Variants in MKS1 observed in about 807,000 individuals in gnomAD.
MKS1 encodes tectonic-like complex member MKS1.
Under a neutral mutation model 83.7 loss-of-function variants are expected in MKS1, and 70 were observed. That is an observed-to-expected ratio of 0.84 (90% confidence interval 0.69 to 1.02). MKS1 has a LOEUF of 1.02. MKS1 is among the 50% of genes least tolerant of loss of function. The pLI, the probability that MKS1 is intolerant of heterozygous loss-of-function variation, is 0.00. For missense variants in MKS1, 681 were observed against 726.9 expected, an observed-to-expected ratio of 0.94 and a Z score of 0.73; for synonymous variants, 251 against 273.4, an observed-to-expected ratio of 0.92 and a Z score of 0.81.
chr17:58,217,670 G>A (rs1409887783), intron 2 of MKS1, among the ~76,000 whole-genome samples: 1 of 152,096 alleles, frequency 6.6e-6, no homozygotes. Flanking sequence ...AAAATAAACT[G>A]AGTGTGAGTC....
At position 58,207,133 on chromosome 17, in the gene MKS1, A is replaced by C. The variant is rs1284188693; in HGVS notation, c.1359T>G (p.Ser453=). ...CATAGGAGAGGTCCTCCAGTTCCAGAGAACCGCCAATGAAAAACCTCCTCA... is the reference window on the plus strand; with the variant it reads ...CATAGGAGAGGTCCTCCAGTTCCAGCGAACCGCCAATGAAAAACCTCCTCA... The part of the protein sequence containing the change: ...AELRRFFIGG[S]LELEDLSYVR... The change falls in exon 15 of 18, where the codon TCT becomes TCG. Residue 453 remains serine, a synonymous_variant. Transcript: ENST00000393119. 1.9e-6 allele frequency: 3 copies of C among 1,614,182 alleles called. No individual in the cohort carries two copies. In the East Asian group the frequency reaches 6.7e-5, roughly 36 times the overall value.
chr17:58,210,766 C>A (rs1301985020), intron 10 of MKS1, 42 bp from the exon 11 acceptor site: 3 of 1,593,716 alleles, frequency 1.9e-6, no homozygotes, highest in Middle Eastern at 3.3e-4. Flanking sequence ...TTTTCTCCTA[C>A]CACCCTTAGC....
In MKS1 at chr17:58,219,234, A is replaced by G. The variant is rs1969453810; in HGVS notation, c.-4T>C. The G allele has an allele frequency of 6.4e-7, 1 of 1,550,554 alleles. No individual in the cohort carries two copies. The highest frequency in any genetic ancestry group is 1.2e-5 in the South Asian group (1 of 84,048). On this transcript the variant is annotated 5_prime_UTR_variant, in exon 1 of 18. Coordinates refer to ENST00000393119, the MANE Select transcript of MKS1 (RefSeq NM_017777.4). ...TGCTCCAGACGGTCTCCGCCATGAC[A>G]GCTGCGACGCGCCGCGACTGCGCCG...
intron 2 of MKS1, 50 bp from the exon 3 acceptor site, chr17:58,216,786 T>C (rs1043162398): frequency 1.9e-6 from 3 of 1,574,330 alleles, no homozygotes; most frequent in Non-Finnish European, 2.6e-6. Context: ...CCAGCACCAC[T>C]TCTTGTTCTG....
chr17:58,213,562 A>C (rs1203384397), intron 7 of MKS1, among the ~76,000 whole-genome samples: 1 of 152,212 alleles, frequency 6.6e-6, no homozygotes, highest in Non-Finnish European at 1.5e-5. Context: ...TCCCTTTCAA[A>C]TTGGTGCAGT....
Position 58,216,213 on chromosome 17 carries a change from C to A in MKS1, c.292G>T (p.Ala98Ser). ...FEVDLYQNETACQSPLDYQYR... is the reference protein window; with the variant it reads ...FEVDLYQNETSCQSPLDYQYR... ...TGATAATCCAAAGGACTCTGACAGG[C>A]TGTTTCATTTTGGTACAGATCTACT... is the stretch of plus-strand genomic sequence containing the variant. The change falls in exon 4 of 18, where the codon GCC (alanine) becomes TCC (serine). Residue 98 changes from alanine to serine, a missense_variant. Coordinates refer to ENST00000393119, the MANE Select transcript of MKS1 (RefSeq NM_017777.4). 6.2e-7 allele frequency: 1 copy of A among 1,613,808 alleles called. No homozygotes were observed. The highest frequency in any genetic ancestry group is 8.5e-7 in the Non-Finnish European group (1 of 1,180,004).
At chr17:58,207,800 T>A in intron 14 of MKS1, 94 bp downstream of exon 14, 1 of 1,200,746 alleles carries the variant, frequency 8.3e-7, no homozygotes, top group South Asian at 1.3e-5. Context: ...CAATTCCCAA[T>A]TATCTCCACC....
At chr17:58,206,911 A>G in intron 15 of MKS1, 174 bp downstream of exon 15, 1 of 852,384 alleles carries the variant, frequency 1.2e-6, no homozygotes, top group Non-Finnish European at 1.9e-6. Context: ...ATAGCAGTGT[A>G]GATATTGGAA....
At chr17:58,212,480 G>A (rs908690670) in intron 8 of MKS1, 46 bp from the exon 9 acceptor site, 2 of 1,598,186 alleles carry the variant, frequency 1.3e-6, no homozygotes, top group Non-Finnish European at 1.7e-6. Flanking sequence ...ACCCAAGCTA[G>A]ACCAAAGTTC....
chr17:58,207,727 T>C, intron 14 of MKS1, 167 bp downstream of exon 14: 1 of 709,540 alleles, frequency 1.4e-6, no homozygotes, highest in Non-Finnish European at 2.5e-6. Flanking sequence ...CACGTCATTG[T>C]CGCTAATGGA....
At chr17:58,212,795 G>A (rs1322482020) in intron 8 of MKS1, among the ~76,000 whole-genome samples, 187 bp downstream of exon 8, 2 of 152,142 alleles carry the variant, frequency 1.3e-5, no homozygotes, top group Non-Finnish European at 2.9e-5. Flanking sequence ...TCAAATAAAT[G>A]GTTATTGTTA....
Position 58,208,184 on chromosome 17 carries a change from G to T in MKS1, c.1096-10C>A. On this transcript the variant is annotated splice_polypyrimidine_tract_variant and intron_variant, in intron 12 of 17. Coordinates refer to ENST00000393119, the MANE Select transcript of MKS1 (RefSeq NM_017777.4). ...AGTGAGCCACCTTGTCCTATAAAAAGGAGTGTCATAGGGTGGGCAAGGCCT... is the reference window on the plus strand; with the variant it reads ...AGTGAGCCACCTTGTCCTATAAAAATGAGTGTCATAGGGTGGGCAAGGCCT... 3 of 1,607,608 alleles carry T rather than the reference G, an allele frequency of 1.9e-6. No individual in the cohort carries two copies. Among genetic ancestry groups the T allele is most frequent in the Non-Finnish European group, 2.6e-6 (3 of 1,174,100 alleles).
chr17:58,212,383 C>T lies in MKS1; in HGVS notation c.910G>A (p.Glu304Lys), dbSNP rs1968925784. 1 of 1,614,122 alleles carries T rather than the reference C, an allele frequency of 6.2e-7. No homozygotes were observed. The highest frequency in any genetic ancestry group is 1.3e-5 in the African/African-American group (1 of 74,938). Residue 304 changes from glutamate (E) to lysine (K), a missense_variant, in exon 9 of 18, where the codon GAG becomes AAG. Glu to Lys is a moderately conservative substitution (Grantham distance 56). Coordinates refer to ENST00000393119, the MANE Select transcript of MKS1 (RefSeq NM_017777.4). Reference sequence around the variant, plus strand: ...CAGGAAGCCAAGCTACTCACCATCTCAAAGTCGGTGCCTACGAGGCTGCTG... The same window carrying T: ...CAGGAAGCCAAGCTACTCACCATCTTAAAGTCGGTGCCTACGAGGCTGCTG... Reference protein sequence around the residue: ...YLSSLVGTDFEMTVPGALRLF... With the variant: ...YLSSLVGTDFKMTVPGALRLF...
Position 58,205,462 on chromosome 17 carries a change from T to C in MKS1, c.*617A>G. On this transcript the variant is annotated 3_prime_UTR_variant, in exon 18 of 18. Transcript: ENST00000393119. ...TCAGTCAAAATAAAAGGGGTTTATG[T>C]AACAAAAAACAAAAAAACAAACAAA... 8.1e-7 allele frequency: 1 copy of C among 1,239,954 alleles called. No individual in the cohort carries two copies. The highest frequency in any genetic ancestry group is 1.0e-6 in the Non-Finnish European group (1 of 962,368). The allele number at this position is 1,239,954 out of a possible 1,614,324, so 76.8% of individuals were successfully genotyped here.
At chr17:58,207,830 G>A in intron 14 of MKS1, 64 bp downstream of exon 14, 1 of 1,404,318 alleles carries the variant, frequency 7.1e-7, no homozygotes, top group Non-Finnish European at 1.0e-6. Context: ...AAGCATTCGA[G>A]TGTTAGTCTT....
chr17:58,206,535 T>C lies in MKS1; in HGVS notation c.1420A>G (p.Ser474Gly). Reference sequence around the variant, plus strand: ...GTCTCTGTGCGGAGTCCAAAGCGGCTCAGGCGTTCCCCCTGTGGCATGCCA... The same window carrying C: ...GTCTCTGTGCGGAGTCCAAAGCGGCCCAGGCGTTCCCCCTGTGGCATGCCA... Reference protein sequence around the residue: ...IPGSFKGERLSRFGLRTETTG... With the variant: ...IPGSFKGERLGRFGLRTETTG... Residue 474 changes from serine (S) to glycine (G), a missense_variant, in exon 16 of 18, where the codon AGC (serine) becomes GGC (glycine). Transcript: ENST00000393119. 2 of 1,613,104 alleles carry C rather than the reference T, an allele frequency of 1.2e-6. No individual in the cohort carries two copies. Among genetic ancestry groups the C allele is most frequent in the Admixed American group, 1.7e-5 (1 of 60,026 alleles).
rs1968674499 is a variant in MKS1, at chr17:58,208,557, G to C, written c.1051C>G (p.Leu351Val). The change falls in exon 12 of 18, where the codon CTC (leucine) becomes GTC (valine). Residue 351 changes from leucine (L) to valine (V), a missense_variant. Transcript: ENST00000393119. Reference sequence around the variant, plus strand: ...GTGCAGGTCTGTGTTACTCCTGAGAGCTGCTGGAATGCTGGGCTTGACCAG... The same window carrying C: ...GTGCAGGTCTGTGTTACTCCTGAGACCTGCTGGAATGCTGGGCTTGACCAG... ...AHWSSPAFQQ[L>V]SGVTQTCTTK... is the part of the protein sequence containing the mutation. 6.2e-7 allele frequency: 1 copy of C among 1,614,198 alleles called. No homozygotes were observed. Among genetic ancestry groups the C allele is most frequent in the Non-Finnish European group, 8.5e-7 (1 of 1,180,036 alleles).
At chr17:58,210,022 G>C (rs2143769861) in intron 11 of MKS1, among the ~76,000 whole-genome samples, 1 of 152,278 alleles carries the variant, frequency 6.6e-6, no homozygotes, top group East Asian at 1.9e-4. Context: ...GGAAAGTGAG[G>C]GATCAAGGAT....
chr17:58,206,583 C>T lies in MKS1; in HGVS notation c.1408-36G>A, dbSNP rs755493387. 1.9e-6 allele frequency: 3 copies of T among 1,588,304 alleles called. No individual in the cohort carries two copies. Among genetic ancestry groups the T allele is most frequent in the African/African-American group, 2.7e-5 (2 of 74,482 alleles). Reference sequence around the variant, plus strand: ...CCATTGGGACAGCCTCAGGTTTCTGCTCTCTCTAGACACCCCCGCACCATG... The same window carrying T: ...CCATTGGGACAGCCTCAGGTTTCTGTTCTCTCTAGACACCCCCGCACCATG... On this transcript the variant is annotated intron_variant, in intron 15 of 17. Transcript: ENST00000393119.
Sources: gnomAD v4.1 joint callset for allele counts (sites outside exome capture counted in the v4.1 genomes callset) on GRCh38, gnomAD v4.1.1 for gene constraint, MANE v1.5 for transcripts, NCBI Gene and HGNC (gene_info 2026-07-23, HGNC 2026-07-21) for gene names.